CALCR: variants seen among roughly 807,000 people sequenced by gnomAD.
CALCR encodes the protein calcitonin receptor.
Under a neutral mutation model 59.5 loss-of-function variants are expected in CALCR, and 47 were observed. That is an observed-to-expected ratio of 0.79 (90% CI 0.63 to 1.01). The LOEUF is 1.01. Among genes scored for constraint, CALCR ranks in the 50% least tolerant of loss-of-function variants. CALCR has a pLI of 0.00. For synonymous variants in CALCR, 213 were observed against 211.3 expected, an observed-to-expected ratio of 1.01 and a Z score of -0.07; for missense variants, 566 against 597.1, an observed-to-expected ratio of 0.95 and a Z score of 0.54.
At chr7:93,495,621 C>G (rs894473425) in intron 2 of CALCR, among the ~76,000 whole-genome samples, 1 of 151,332 alleles carries the variant, frequency 6.6e-6, no homozygotes, top group Non-Finnish European at 1.5e-5. Flanking sequence ...TAGTCATGCC[C>G]TCCTTGAATA....
chr7:93,469,291 G>A (rs1584560425), intron 6 of CALCR, among the ~76,000 whole-genome samples: 2 of 150,560 alleles, frequency 1.3e-5, no homozygotes, highest in South Asian at 4.2e-4. Context: ...GTTGGTTGAA[G>A]CCGAAACCTT....
At position 93,505,492 on chromosome 7, in the gene CALCR, T is replaced by C. The variant is rs6465383; in HGVS notation, c.-26-18485A>G. Among the ~76,000 whole-genome samples the C allele has an allele frequency of 8.5e-3, 1,301 of 152,260 alleles. 10 individuals carry two copies. The highest frequency in any genetic ancestry group is 0.014 in the Non-Finnish European group (943 of 68,010). ...AGACTCAGGGAGGAGAAAGAACTTG[T>C]CCAAATTTACAAAGTGTATACACAG... On this transcript the variant is annotated intron_variant, in intron 2 of 13. Coordinates refer to ENST00000426151, the MANE Select transcript of CALCR (RefSeq NM_001742.4).
intron 2 of CALCR, among the ~76,000 whole-genome samples, chr7:93,538,322 G>A (rs1789045600): frequency 6.6e-6 from 1 of 151,884 alleles, no homozygotes; most frequent in African/African-American, 2.4e-5. Context: ...CCTACCCTCT[G>A]GGGTATTCCT....
intron 8 of CALCR, among the ~76,000 whole-genome samples, chr7:93,459,977 G>A (rs934885098): frequency 6.6e-6 from 1 of 152,056 alleles, no homozygotes; most frequent in East Asian, 1.9e-4. Context: ...TGCATTTCCT[G>A]TGTCATTATA....
intron 2 of CALCR, among the ~76,000 whole-genome samples, chr7:93,513,050 C>T (rs780498545): frequency 6.6e-6 from 1 of 152,136 alleles, no homozygotes; most frequent in East Asian, 1.9e-4. Flanking sequence ...TAATACATGT[C>T]CATTGCCCAA....
At chr7:93,548,389 G>T (rs1218632811) in intron 2 of CALCR, among the ~76,000 whole-genome samples, 3 of 152,158 alleles carry the variant, frequency 2.0e-5, no homozygotes, top group African/African-American at 7.2e-5. Flanking sequence ...AACATTGTAG[G>T]AGGGTCTAAA....
At position 93,513,392 on chromosome 7, in the gene CALCR, C is replaced by T. The variant is rs867197154; in HGVS notation, c.-26-26385G>A. Among the ~76,000 whole-genome samples, 3 of 152,130 alleles carry T rather than the reference C, an allele frequency of 2.0e-5. No individual in the cohort carries two copies. The South Asian group carries it at 6.2e-4, about 32-fold the overall frequency. On this transcript the variant is annotated intron_variant, in intron 2 of 13. Transcript: ENST00000426151. ...ATTTACTAGGACACCTTATTAAATA[C>T]TACAGTATAGAACCACTGCTTTCTC... is the stretch of plus-strand genomic sequence containing the variant.
intron 7 of CALCR, among the ~76,000 whole-genome samples, chr7:93,464,349 G>A (rs1366700842): frequency 6.6e-6 from 1 of 151,978 alleles, no homozygotes; most frequent in African/African-American, 2.4e-5. Context: ...AAGAAAACAA[G>A]TAAAAGTTGT....
chr7:93,513,646 A>G (rs528675192), intron 2 of CALCR, among the ~76,000 whole-genome samples: 1 of 152,216 alleles, frequency 6.6e-6, no homozygotes, highest in Admixed American at 6.6e-5. Flanking sequence ...TGACCTTCGA[A>G]AAGTTAATTT....
intron 2 of CALCR, among the ~76,000 whole-genome samples, chr7:93,519,903 C>T (rs1801725512): frequency 6.6e-6 from 1 of 151,962 alleles, no homozygotes; most frequent in Non-Finnish European, 1.5e-5. Context: ...TTTCCTGAGG[C>T]CTCCCTAGCC....
intron 2 of CALCR, among the ~76,000 whole-genome samples, chr7:93,569,382 C>T (rs909231219): frequency 6.6e-6 from 1 of 152,108 alleles, no homozygotes; most frequent in Non-Finnish European, 1.5e-5. Flanking sequence ...ACAAAAATAC[C>T]TGTGGTTTCC....
At chr7:93,460,491 G>A (rs1479520365) in intron 8 of CALCR, among the ~76,000 whole-genome samples, 2 of 147,610 alleles carry the variant, frequency 1.4e-5, no homozygotes, top group African/African-American at 5.0e-5. Flanking sequence ...GGGAGGCGGA[G>A]GTTGCAGTGA....
At chr7:93,482,208 G>A (rs1207071548) in intron 3 of CALCR, among the ~76,000 whole-genome samples, 2 of 151,880 alleles carry the variant, frequency 1.3e-5, no homozygotes, top group African/African-American at 4.8e-5. Flanking sequence ...GTATGAATAT[G>A]TGTGTTTTAA....
chr7:93,455,432 C>A (rs1054339328), intron 8 of CALCR, among the ~76,000 whole-genome samples: 6 of 151,482 alleles, frequency 4.0e-5, no homozygotes, highest in African/African-American at 1.5e-4. Flanking sequence ...TCTTCTTCTT[C>A]TTTTTTCCCC....
intron 2 of CALCR, among the ~76,000 whole-genome samples, chr7:93,556,850 G>T (rs767072991): frequency 2.0e-5 from 3 of 151,908 alleles, no homozygotes; most frequent in Non-Finnish European, 4.4e-5. Context: ...AAATGATATT[G>T]CAAAGAATAT....
At chr7:93,522,088 G>A (rs956893300) in intron 2 of CALCR, among the ~76,000 whole-genome samples, 7 of 152,126 alleles carry the variant, frequency 4.6e-5, no homozygotes, top group African/African-American at 1.7e-4. Flanking sequence ...ATGTTTGCAT[G>A]AGTGTCTGAG....
chr7:93,534,567 C>T (rs755358974), intron 2 of CALCR, among the ~76,000 whole-genome samples: 78 of 151,776 alleles, frequency 5.1e-4, no homozygotes, highest in Non-Finnish European at 9.3e-4. Flanking sequence ...CAAAATTCCA[C>T]TTTTACTAAT....
intron 2 of CALCR, among the ~76,000 whole-genome samples, chr7:93,513,976 C>G (rs540815658): frequency 6.6e-6 from 1 of 151,882 alleles, no homozygotes; most frequent in African/African-American, 2.4e-5. Flanking sequence ...TCAGCATAAA[C>G]TGTAATGAGG....
chr7:93,564,755 A>AT (rs11413086), intron 2 of CALCR, among the ~76,000 whole-genome samples: 42,501 of 147,016 alleles, frequency 0.29, 6,686 homozygotes, highest in African/African-American at 0.43. Context: ...CACCCAGCCA[A>AT]TTTTTTTTTT....
Sources: allele counts gnomAD v4.1 joint callset (sites outside exome capture counted in the v4.1 genomes callset), GRCh38; gene constraint gnomAD v4.1.1; transcripts MANE v1.5; gene names NCBI Gene and HGNC (gene_info 2026-07-23, HGNC 2026-07-21).